PCDH17: variants seen among roughly 807,000 people sequenced by gnomAD.
PCDH17 encodes protocadherin 17.
In PCDH17, 21 loss-of-function variants were observed where a neutral mutation model predicts 67.7. The observed-to-expected ratio is 0.31, with a 90% CI of 0.22 to 0.45. The LOEUF (loss-of-function observed/expected upper bound fraction) is 0.45, where lower values mean the gene tolerates loss of function less well. PCDH17 is among the 20% of genes least tolerant of loss of function. PCDH17 has a pLI of 1.00. For synonymous variants in PCDH17, 701 were observed against 656.7 expected (o/e 1.07, Z -1.03); for missense variants, 1,471 against 1,564.8 (o/e 0.94, Z 1.01).
chr13:57,642,153 T>C (rs988258378), intron 1 of PCDH17, among the ~76,000 whole-genome samples: 1 of 151,780 alleles, frequency 6.6e-6, no homozygotes, highest in Non-Finnish European at 1.5e-5. Context: ...TTCTGTTTGA[T>C]TCTGAAATAT....
chr13:57,717,459 A>G (rs1183822355), intron 3 of PCDH17, among the ~76,000 whole-genome samples: 2 of 152,004 alleles, frequency 1.3e-5, no homozygotes, highest in African/African-American at 4.8e-5. Context: ...CACTCCGGTA[A>G]ACATTTTACT....
rs1426045176 is a variant in PCDH17, at chr13:57,666,540, A to G, written c.2624+14A>G. 6.2e-7 allele frequency: 1 copy of G among 1,613,276 alleles called. No homozygotes were observed. Among genetic ancestry groups the G allele is most frequent in the African/African-American group, 1.3e-5 (1 of 74,880 alleles). ...GTTTGTTCAAAGGTAAGGCCTATTA[A>G]ATAACTTTTCTCAGCTTCCCCATTT... On this transcript the variant is annotated intron_variant, in intron 2 of 3. Coordinates refer to ENST00000377918, the MANE Select transcript of PCDH17 (RefSeq NM_001040429.3).
At position 57,634,374 on chromosome 13, in the gene PCDH17, G is replaced by C. The variant is rs1954785550; in HGVS notation, c.1828G>C (p.Val610Leu). Residue 610 changes from valine (V) to leucine (L), a missense_variant, in exon 1 of 4, where the codon GTG becomes CTG. Val to Leu is a conservative substitution (Grantham distance 32). Transcript: ENST00000377918. The surrounding 1 kb of genome is among the most constrained non-coding windows in gnomAD (Gnocchi z 7.8). ...TGGCCTGGGCTATCTGGTGAGCACT[G>C]TGCGCGCCCTAGACAGCGACTTCGG... ...NAGLGYLVSTVRALDSDFGES... is the reference protein window; with the variant it reads ...NAGLGYLVSTLRALDSDFGES... 2.5e-6 allele frequency: 4 copies of C among 1,612,538 alleles called. No homozygotes were observed. In the East Asian group the frequency reaches 8.9e-5, roughly 36 times the overall value.
rs1437053245 is a variant in PCDH17 at position 57,634,333 on chromosome 13, A to G, written c.1787A>G (p.Gln596Arg). The G allele has an allele frequency of 6.2e-7, 1 of 1,612,748 alleles. No individual in the cohort carries two copies. The highest frequency in any genetic ancestry group is 1.3e-5 in the African/African-American group (1 of 74,936). Residue 596 changes from glutamine to arginine, a missense_variant, in exon 1 of 4, where the codon CAG becomes CGG. Physicochemically the swap from Gln to Arg is conservative, Grantham distance 43. Coordinates refer to ENST00000377918, the MANE Select transcript of PCDH17 (RefSeq NM_001040429.3). This position sits in a 1 kb window ranked among gnomAD's most constrained non-coding sequence, Gnocchi z 7.8. The part of the protein sequence containing the change: ...PTLQNDTAEL[Q>R]VPRNAGLGYL... ...CTGCAGAACGACACCGCGGAGCTGC[A>G]GGTGCCGCGCAACGCTGGCCTGGGC...
chr13:57,669,724 C>A (rs1410488510), intron 3 of PCDH17, among the ~76,000 whole-genome samples: 1 of 152,048 alleles, frequency 6.6e-6, no homozygotes, highest in African/African-American at 2.4e-5. Context: ...ACTGGCACAG[C>A]AGGTTGGAGT....
intron 3 of PCDH17, among the ~76,000 whole-genome samples, chr13:57,719,458 A>T (rs887850962): frequency 2.0e-5 from 3 of 152,030 alleles, no homozygotes; most frequent in Non-Finnish European, 4.4e-5. Context: ...TATAGAAAAG[A>T]AAATCAGAGG....
chr13:57,687,455 A>G (rs1231483532), intron 3 of PCDH17, among the ~76,000 whole-genome samples: 2 of 152,000 alleles, frequency 1.3e-5, no homozygotes, highest in Non-Finnish European at 2.9e-5. Context: ...ATTAGATTAA[A>G]CACAATCTCA....
chr13:57,671,473 T>G (rs899874564), intron 3 of PCDH17, among the ~76,000 whole-genome samples: 3 of 151,968 alleles, frequency 2.0e-5, no homozygotes, highest in East Asian at 1.9e-4. Flanking sequence ...TAATGTTTTC[T>G]TAAGCCTCAG....
At chr13:57,689,347 C>T (rs1051308555) in intron 3 of PCDH17, among the ~76,000 whole-genome samples, 1 of 151,834 alleles carries the variant, frequency 6.6e-6, no homozygotes, top group Non-Finnish European at 1.5e-5. Context: ...ATCGAAAGCA[C>T]AAAGTCCAGC....
chr13:57,651,466 T>G (rs1489223407), intron 1 of PCDH17, among the ~76,000 whole-genome samples: 2 of 148,968 alleles, frequency 1.3e-5, no homozygotes, highest in Non-Finnish European at 3.0e-5. Context: ...GCCTCCCAAG[T>G]AGCTGTTACT....
At position 57,631,752 on chromosome 13, in the gene PCDH17, T is replaced by A. The variant is rs747288328; in HGVS notation, c.-795T>A. ...CACTAGTTCTTTACGCTGCATTTCC[T>A]CCCCTCCCTTTGGCTGCTCGGAAAG... On this transcript the variant is annotated 5_prime_UTR_variant, in exon 1 of 4. Transcript: ENST00000377918. 5 of 146,010 alleles carry A rather than the reference T, an allele frequency of 3.4e-5. No homozygotes were observed. Among genetic ancestry groups the A allele is most frequent in the Non-Finnish European group, 7.5e-5 (5 of 67,028 alleles). The allele number at this position is 146,010 out of a possible 1,614,324, so 9.0% of individuals were successfully genotyped here. A position where few individuals can be genotyped will look rare whatever the true frequency, so the allele number is the denominator to read the frequency against.
intron 3 of PCDH17, among the ~76,000 whole-genome samples, chr13:57,705,723 A>C (rs1955714970): frequency 6.6e-6 from 1 of 152,128 alleles, no homozygotes; most frequent in Admixed American, 6.6e-5. Flanking sequence ...TTTAAAAAAT[A>C]AGCAAAAATA....
At chr13:57,710,642 T>C (rs540661675) in intron 3 of PCDH17, among the ~76,000 whole-genome samples, 1 of 152,060 alleles carries the variant, frequency 6.6e-6, no homozygotes, top group African/African-American at 2.4e-5. Flanking sequence ...TCTGAATCAT[T>C]TGAATGCTTT....
At chr13:57,650,218 TTGTGTGTGTG>T (rs67398023) in intron 1 of PCDH17, among the ~76,000 whole-genome samples, 87 of 137,560 alleles carry the variant, frequency 6.3e-4, no homozygotes, top group South Asian at 1.8e-3. Flanking sequence ...GGACCCTTGA[TTGTGTGTGTG>T]TGTGTGTGTG....
chr13:57,705,261 C>A (rs1161817669), intron 3 of PCDH17, among the ~76,000 whole-genome samples: 1 of 151,748 alleles, frequency 6.6e-6, no homozygotes, highest in East Asian at 1.9e-4. Context: ...ATATTTCTGG[C>A]TTTTTTATCT....
At chr13:57,703,056 T>A (rs1955682940) in intron 3 of PCDH17, among the ~76,000 whole-genome samples, 1 of 152,188 alleles carries the variant, frequency 6.6e-6, no homozygotes, top group East Asian at 1.9e-4. Context: ...TTATTAAAAT[T>A]TCACAAATGA....
Position 57,642,500 on chromosome 13 carries a change from A to G in PCDH17, c.2565+7389A>G, listed in dbSNP as rs926763100. 5.3e-5 allele frequency among the ~76,000 whole-genome samples: 8 copies of G among 151,700 alleles called. No individual in the cohort carries two copies. The East Asian group carries it at 9.6e-4, about 18-fold the overall frequency. ...ATCTATGCTTTACAGTTACCTTACA[A>G]CTTCTCTAAACAAGTAATTTCTTTG... is the stretch of plus-strand genomic sequence containing the variant. On this transcript the variant is annotated intron_variant, in intron 1 of 3. Transcript: ENST00000377918.
At chr13:57,713,656 A>G (rs1363906965) in intron 3 of PCDH17, among the ~76,000 whole-genome samples, 1 of 151,618 alleles carries the variant, frequency 6.6e-6, no homozygotes, top group Non-Finnish European at 1.5e-5. Flanking sequence ...TCTTAGAAAG[A>G]TTCCACTTCA....
chr13:57,724,840 C>G lies in PCDH17; in HGVS notation c.3026C>G (p.Thr1009Ser), dbSNP rs779519745. Residue 1009 changes from threonine to serine, a missense_variant, in exon 4 of 4, where the codon ACT (threonine) becomes AGT (serine). Thr to Ser is a moderately conservative substitution (Grantham distance 58, BLOSUM62 1). Coordinates refer to ENST00000377918, the MANE Select transcript of PCDH17 (RefSeq NM_001040429.3). Reference protein sequence around the residue: ...CTFGKDKREHTILIANVKPYL... With the variant: ...CTFGKDKREHSILIANVKPYL... ...TTTGGAAAAGACAAGCGAGAGCACACTATTCTCATTGCCAACGTTAAACCT... is the reference window on the plus strand; with the variant it reads ...TTTGGAAAAGACAAGCGAGAGCACAGTATTCTCATTGCCAACGTTAAACCT... The G allele has an allele frequency of 1.2e-6, 2 of 1,614,186 alleles. No individual in the cohort carries two copies. Among genetic ancestry groups the G allele is most frequent in the Non-Finnish European group, 1.7e-6 (2 of 1,180,006 alleles).
Sources: gnomAD v4.1 joint callset for allele counts (sites outside exome capture counted in the v4.1 genomes callset) on GRCh38, gnomAD v4.1.1 for gene constraint, Gnocchi (gnomAD v3.1) non-coding constraint, MANE v1.5 for transcripts, NCBI Gene and HGNC (gene_info 2026-07-23, HGNC 2026-07-21) for gene names.